PARD3B: variants seen among roughly 807,000 people sequenced by gnomAD.
PARD3B encodes partitioning defective 3 homolog B.
Under a neutral mutation model 130.2 loss-of-function variants are expected in PARD3B, and 103 were observed. The ratio of observed to expected loss-of-function variants is 0.79; its 90% CI spans 0.67 to 0.93. PARD3B has a LOEUF of 0.93. Ranked by LOEUF, PARD3B falls within the 40% of genes least tolerant of loss-of-function variation. The pLI, the probability that PARD3B is intolerant of heterozygous loss-of-function variation, is 0.00. For synonymous variants in PARD3B, 583 were observed against 553.2 expected, an observed-to-expected ratio of 1.05 and a Z score of -0.76; for missense variants, 1,609 against 1,499.2, an observed-to-expected ratio of 1.07 and a Z score of -1.21.
intron 11 of PARD3B, among the ~76,000 whole-genome samples, chr2:205,170,571 G>GC (rs2125744645): frequency 6.6e-6 from 1 of 152,304 alleles, no homozygotes; most frequent in South Asian, 2.1e-4. Context: ...CCAGCAGGCG[G>GC]CGTGGGCAGT....
At chr2:205,600,274 T>G (rs1300205127) in intron 22 of PARD3B, among the ~76,000 whole-genome samples, 1 of 152,206 alleles carries the variant, frequency 6.6e-6, no homozygotes. Context: ...GTGGGCTAAC[T>G]GCACGAATCA....
chr2:204,790,742 G>A (rs147488275), intron 2 of PARD3B, among the ~76,000 whole-genome samples: 188 of 152,132 alleles, frequency 1.2e-3, no homozygotes, highest in African/African-American at 3.3e-3. Context: ...TTCGTATTTC[G>A]TCTTTGTCAG....
At chr2:204,792,035 G>T (rs1282526099) in intron 2 of PARD3B, among the ~76,000 whole-genome samples, 1 of 152,120 alleles carries the variant, frequency 6.6e-6, no homozygotes, top group African/African-American at 2.4e-5. Flanking sequence ...CAGGGATATG[G>T]CTTCAGAAAG....
intron 10 of PARD3B, among the ~76,000 whole-genome samples, chr2:205,148,247 A>G (rs1266165569): frequency 2.0e-5 from 3 of 152,182 alleles, no homozygotes; most frequent in African/African-American, 7.2e-5. Flanking sequence ...CCAAGATTAC[A>G]TCAGCAGTAG....
chr2:204,666,240 A>T (rs1417059791), intron 1 of PARD3B, among the ~76,000 whole-genome samples: 1 of 152,206 alleles, frequency 6.6e-6, no homozygotes, highest in Non-Finnish European at 1.5e-5. Context: ...CAAAATGTGA[A>T]CAAGGTAATG....
At chr2:204,831,303 G>T (rs1013994278) in intron 2 of PARD3B, among the ~76,000 whole-genome samples, 1 of 152,128 alleles carries the variant, frequency 6.6e-6, no homozygotes, top group East Asian at 1.9e-4. Flanking sequence ...GCCATTACAC[G>T]TAATTGGAAA....
At chr2:204,895,174 C>G (rs186912155) in intron 2 of PARD3B, among the ~76,000 whole-genome samples, 210 of 152,102 alleles carry the variant, frequency 1.4e-3, no homozygotes, top group Non-Finnish European at 1.6e-3. Flanking sequence ...TACTTAGAGA[C>G]AAAAACTAGA....
intron 18 of PARD3B, among the ~76,000 whole-genome samples, chr2:205,376,261 G>C (rs915957647): frequency 6.6e-5 from 10 of 152,162 alleles, no homozygotes; most frequent in Admixed American, 1.3e-4. Flanking sequence ...AAAGCAGGCA[G>C]AGTCCACAAG....
intron 2 of PARD3B, among the ~76,000 whole-genome samples, chr2:204,851,819 A>C (rs1195421838): frequency 2.0e-5 from 3 of 151,564 alleles, no homozygotes; most frequent in African/African-American, 7.3e-5. Flanking sequence ...CAGCCTCCCG[A>C]GTAGCTGGGA....
intron 10 of PARD3B, among the ~76,000 whole-genome samples, chr2:205,145,407 A>G (rs1482000621): frequency 6.6e-6 from 1 of 152,206 alleles, no homozygotes. Context: ...ACAAGACTCA[A>G]TTCTACAAAT....
At chr2:205,239,780 T>A (rs919835605) in intron 15 of PARD3B, among the ~76,000 whole-genome samples, 8 of 152,124 alleles carry the variant, frequency 5.3e-5, no homozygotes, top group African/African-American at 1.7e-4. Context: ...TGGAAAAAAA[T>A]TTCAGCTGCT....
chr2:205,467,249 G>A (rs990520069), intron 20 of PARD3B, among the ~76,000 whole-genome samples: 17 of 152,176 alleles, frequency 1.1e-4, no homozygotes, highest in South Asian at 6.2e-4. Flanking sequence ...AAATGTTTCC[G>A]TGGGGCTTGG....
chr2:204,884,326 T>A (rs2046192755), intron 2 of PARD3B, among the ~76,000 whole-genome samples: 1 of 152,226 alleles, frequency 6.6e-6, no homozygotes, highest in African/African-American at 2.4e-5. Flanking sequence ...TTGAATGCTT[T>A]CAAATAGAAT....
chr2:205,029,546 A>G (rs1697280101), intron 3 of PARD3B, among the ~76,000 whole-genome samples: 1 of 152,198 alleles, frequency 6.6e-6, no homozygotes, highest in Non-Finnish European at 1.5e-5. Flanking sequence ...ACCCACTAAA[A>G]TGTTCAGTCT....
rs1698888394 is a variant in PARD3B at position 205,047,592 on chromosome 2, C to T, written c.406C>T (p.Leu136=). 6.5e-7 allele frequency: 1 copy of T among 1,549,570 alleles called. No individual in the cohort carries two copies. Among genetic ancestry groups the T allele is most frequent in the East Asian group, 2.4e-5 (1 of 40,904 alleles). ...ACTTTGTCTTCCAGGCACTCCACTG[C>T]TGGTGAGGAGAAGCAGTGACCCAGT... ...PSALKLGTPL[L]VRRSSDPVPG... is the part of the protein sequence containing the mutation. The change falls in exon 4 of 23, where the codon CTG becomes TTG. Residue 136 remains leucine (L), a synonymous_variant. Transcript: ENST00000406610.
At chr2:205,319,284 G>A (rs2042666508) in intron 18 of PARD3B, among the ~76,000 whole-genome samples, 1 of 152,110 alleles carries the variant, frequency 6.6e-6, no homozygotes. Context: ...CCGTAGCATT[G>A]CCTAGAATCC....
chr2:204,936,359 A>G lies in PARD3B; in HGVS notation c.223-28793A>G, dbSNP rs918233721. On this transcript the variant is annotated intron_variant, in intron 2 of 22. Coordinates refer to ENST00000406610, the MANE Select transcript of PARD3B (RefSeq NM_001302769.2). ...TTTGAAAACAGTACATTACTTATAA[A>G]TAAATTGACAAAGGTAAAATATTGT... Among the ~76,000 whole-genome samples, 97 of 152,224 alleles carry G rather than the reference A, an allele frequency of 6.4e-4. 3 individuals carry two copies. Among genetic ancestry groups the G allele is most frequent in the Non-Finnish European group, 1.0e-4 (7 of 68,046 alleles).
At chr2:205,607,239 G>GAA (rs149442943) in intron 22 of PARD3B, among the ~76,000 whole-genome samples, 4 of 143,630 alleles carry the variant, frequency 2.8e-5, no homozygotes, top group Non-Finnish European at 6.1e-5. Context: ...GTACCCATTG[G>GAA]AAAAAAAAAA....
intron 4 of PARD3B, among the ~76,000 whole-genome samples, chr2:205,068,713 A>G (rs959122320): frequency 1.3e-5 from 2 of 152,260 alleles, no homozygotes; most frequent in East Asian, 3.9e-4. Flanking sequence ...TGCATCCGCT[A>G]ATTTTTGATG....
Sources: allele counts gnomAD v4.1 joint callset (sites outside exome capture counted in the v4.1 genomes callset), GRCh38; gene constraint gnomAD v4.1.1; transcripts MANE v1.5; gene names NCBI Gene and HGNC (gene_info 2026-07-23, HGNC 2026-07-21).